Variants in THSD4 observed in about 807,000 individuals in gnomAD.
THSD4 encodes the protein thrombospondin type 1 domain containing 4, also known as thrombospondin type-1 domain-containing protein 4.
Under a neutral mutation model 119.0 loss-of-function variants are expected in THSD4, and 69 were observed. That is an observed-to-expected ratio of 0.58 (90% CI 0.48 to 0.71). The LOEUF (loss-of-function observed/expected upper bound fraction) is 0.71. Among genes scored for constraint, THSD4 ranks in the 30% least tolerant of loss-of-function variants. THSD4 has a pLI of 0.00. For missense variants in THSD4, 1,393 were observed against 1,391.1 expected, an observed-to-expected ratio of 1.00 and a Z score of -0.02; for synonymous variants, 524 against 540.4, an observed-to-expected ratio of 0.97 and a Z score of 0.42.
rs1351390072 is a variant in THSD4 at position 71,371,243 on chromosome 15, T to C, written c.1016-40444T>C. Among the ~76,000 whole-genome samples, 9 of 152,160 alleles carry C rather than the reference T, an allele frequency of 5.9e-5. No individual in the cohort carries two copies. The South Asian group carries it at 8.3e-4, about 14-fold the overall frequency. ...TTGACTCTTTATCCAGTTTGCCAGT[T>C]TGTGTCTTTTAATTGTAGCATTTAG... On this transcript the variant is annotated intron_variant, in intron 6 of 17. Coordinates refer to ENST00000261862, the MANE Select transcript of THSD4 (RefSeq NM_024817.3).
At chr15:71,285,547 C>T (rs1473690834) in intron 6 of THSD4, among the ~76,000 whole-genome samples, 1 of 152,090 alleles carries the variant, frequency 6.6e-6, no homozygotes, top group Non-Finnish European at 1.5e-5. Context: ...TGTTCCAAAC[C>T]CCAACTTTTC....
chr15:71,107,967 C>T (rs958624629), intron 1 of THSD4, among the ~76,000 whole-genome samples: 3 of 152,192 alleles, frequency 2.0e-5, no homozygotes, highest in African/African-American at 4.8e-5. Flanking sequence ...ATCACTGCTT[C>T]GTTTTCTGTC....
intron 7 of THSD4, among the ~76,000 whole-genome samples, chr15:71,596,320 TTTC>T (rs1443562814): frequency 2.0e-5 from 3 of 152,318 alleles, no homozygotes; most frequent in Non-Finnish European, 2.9e-5. Context: ...GTTTTCTCTC[TTTC>T]TTCTTCTTCT....
At chr15:71,362,956 G>A (rs2045911814) in intron 6 of THSD4, among the ~76,000 whole-genome samples, 1 of 135,282 alleles carries the variant, frequency 7.4e-6, no homozygotes, top group Non-Finnish European at 1.5e-5. Context: ...TAACACGAAT[G>A]ATAGCTGATG....
At chr15:71,355,108 G>C (rs954268348) in intron 6 of THSD4, among the ~76,000 whole-genome samples, 2 of 152,314 alleles carry the variant, frequency 1.3e-5, no homozygotes, top group Middle Eastern at 3.4e-3. Flanking sequence ...CCCTATGTTA[G>C]AGTCTTTCGT....
intron 8 of THSD4, among the ~76,000 whole-genome samples, chr15:71,701,672 T>TA (rs1329422629): frequency 6.6e-6 from 1 of 152,124 alleles, no homozygotes; most frequent in East Asian, 1.9e-4. Flanking sequence ...GATGGTGGGC[T>TA]AAAAAAATTA....
At chr15:71,405,883 T>G (rs1483532169) in intron 6 of THSD4, among the ~76,000 whole-genome samples, 2 of 150,144 alleles carry the variant, frequency 1.3e-5, no homozygotes, top group Non-Finnish European at 3.0e-5. Context: ...CTTAAGTATT[T>G]TTATTCTTTT....
At chr15:71,384,708 T>G (rs1220420082) in intron 6 of THSD4, among the ~76,000 whole-genome samples, 1 of 152,240 alleles carries the variant, frequency 6.6e-6, no homozygotes, top group Non-Finnish European at 1.5e-5. Context: ...CATTTTAAAA[T>G]GCACTTCTTA....
At chr15:71,288,945 G>A (rs970539598) in intron 6 of THSD4, among the ~76,000 whole-genome samples, 1 of 152,160 alleles carries the variant, frequency 6.6e-6, no homozygotes, top group Non-Finnish European at 1.5e-5. Context: ...GCTGGAAGAG[G>A]TCTCTGTTTA....
At chr15:71,427,991 A>C (rs547331356) in intron 7 of THSD4, among the ~76,000 whole-genome samples, 1 of 152,278 alleles carries the variant, frequency 6.6e-6, no homozygotes, top group South Asian at 2.1e-4. Context: ...GCTTTATGAA[A>C]GAATAGGTAG....
chr15:71,382,650 C>G (rs546841998), intron 6 of THSD4, among the ~76,000 whole-genome samples: 59 of 152,154 alleles, frequency 3.9e-4, no homozygotes, highest in African/African-American at 1.4e-3. Context: ...TACTGTTTCC[C>G]TTATTATATC....
intron 7 of THSD4, among the ~76,000 whole-genome samples, chr15:71,581,233 C>G (rs534380338): frequency 6.6e-6 from 1 of 152,156 alleles, no homozygotes; most frequent in East Asian, 1.9e-4. Flanking sequence ...AATCTTTTGT[C>G]TTTTGGCAGT....
chr15:71,148,468 A>G (rs2040686262), intron 2 of THSD4, among the ~76,000 whole-genome samples: 2 of 152,378 alleles, frequency 1.3e-5, no homozygotes, highest in South Asian at 4.1e-4. Flanking sequence ...AGGTTTCTTA[A>G]GCTCAGATGA....
intron 7 of THSD4, among the ~76,000 whole-genome samples, chr15:71,531,848 G>T (rs765462716): frequency 1.3e-5 from 2 of 152,214 alleles, no homozygotes; most frequent in Non-Finnish European, 2.9e-5. Context: ...CTGGGCAGAA[G>T]ACGCCTGAAT....
At chr15:71,588,720 C>T (rs2049739199) in intron 7 of THSD4, among the ~76,000 whole-genome samples, 1 of 152,222 alleles carries the variant, frequency 6.6e-6, no homozygotes, top group African/African-American at 2.4e-5. Flanking sequence ...AGGCGTGAGC[C>T]ACCACACCTG....
chr15:71,230,882 T>C (rs1039165299), intron 4 of THSD4, among the ~76,000 whole-genome samples: 1 of 152,270 alleles, frequency 6.6e-6, no homozygotes, highest in African/African-American at 2.4e-5. Context: ...TGCCTCTTCC[T>C]CTGGTCAGAT....
At chr15:71,377,806 C>T (rs1247626523) in intron 6 of THSD4, among the ~76,000 whole-genome samples, 1 of 151,166 alleles carries the variant, frequency 6.6e-6, no homozygotes, top group African/African-American at 2.4e-5. Context: ...TCTTTAAAGT[C>T]CTGTTCTTTC....
chr15:71,625,935 T>A (rs904618548), intron 7 of THSD4, among the ~76,000 whole-genome samples: 1 of 152,214 alleles, frequency 6.6e-6, no homozygotes, highest in African/African-American at 2.4e-5. Flanking sequence ...TCTGCAGGAT[T>A]AGAAATGGGT....
chr15:71,320,890 C>T (rs1359711913), intron 6 of THSD4, among the ~76,000 whole-genome samples: 1 of 152,002 alleles, frequency 6.6e-6, no homozygotes, highest in African/African-American at 2.4e-5. Context: ...TTGTGTCTAG[C>T]TAGGATTTAA....
Sources: gnomAD v4.1 joint callset for allele counts (sites outside exome capture counted in the v4.1 genomes callset) on GRCh38, gnomAD v4.1.1 for gene constraint, MANE v1.5 for transcripts, NCBI Gene and HGNC (gene_info 2026-07-23, HGNC 2026-07-21) for gene names.